Variants in RBMX2 observed in about 807,000 individuals in gnomAD.
RBMX2 encodes RNA-binding motif protein, X-linked 2.
For synonymous variants in RBMX2, 77 were observed against 94.3 expected (o/e 0.82, Z 1.07); for missense variants, 191 against 256.0 (o/e 0.75, Z 1.73).
chrX:130,402,933 G>A (rs918135098), intron 2 of RBMX2, among the ~76,000 whole-genome samples: 2 of 112,672 alleles, frequency 1.8e-5, no homozygotes, highest in African/African-American at 6.5e-5. Context: ...ACCAAACATT[G>A]TGCTAAGCAC....
rs1163015059 is a variant in RBMX2, at chrX:130,413,557, C to G, written c.*709C>G. On this transcript the variant is annotated 3_prime_UTR_variant, in exon 6 of 6. Transcript: ENST00000305536. ...ACCCTGTAGCCATTAAACAAGAGCTCCCCGTTTCCTCCCTCCTCCCTGTCC... is the reference window on the plus strand; with the variant it reads ...ACCCTGTAGCCATTAAACAAGAGCTGCCCGTTTCCTCCCTCCTCCCTGTCC... 9.1e-6 allele frequency among the ~76,000 whole-genome samples: 1 copy of G among 110,302 alleles called. No individual in the cohort carries two copies. Among genetic ancestry groups the G allele is most frequent in the Admixed American group, 9.7e-5 (1 of 10,324 alleles).
At chrX:130,412,286 CTT>C (rs879030425) in intron 5 of RBMX2, 73 bp from the exon 6 acceptor site, 530 of 810,998 alleles carry the variant, frequency 6.5e-4, no homozygotes, top group Middle Eastern at 2.3e-3. Context: ...AAGAAAGGTG[CTT>C]TTTTTTTTTT....
Position 130,413,508 on chromosome X carries a change from C to T in RBMX2, c.*660C>T, listed in dbSNP as rs1032442109. 9.1e-6 allele frequency among the ~76,000 whole-genome samples: 1 copy of T among 110,254 alleles called. No homozygotes were observed. Among genetic ancestry groups the T allele is most frequent in the African/African-American group, 3.3e-5 (1 of 30,223 alleles). ...CCATTGCCTCTGTCTAGTTCCAAAACATTTTTTATCATCCCAAAATGAAAC... is the reference window on the plus strand; with the variant it reads ...CCATTGCCTCTGTCTAGTTCCAAAATATTTTTTATCATCCCAAAATGAAAC... On this transcript the variant is annotated 3_prime_UTR_variant, in exon 6 of 6. Coordinates refer to ENST00000305536, the MANE Select transcript of RBMX2 (RefSeq NM_016024.4).
In RBMX2 at chrX:130,409,363, G is replaced by A. The variant is rs765199723; in HGVS notation, c.280G>A (p.Val94Ile). The A allele has an allele frequency of 1.1e-5, 13 of 1,207,221 alleles. No individual in the cohort carries two copies. The highest frequency in any genetic ancestry group is 3.5e-5 in the African/African-American group (2 of 56,954). Residue 94 changes from valine to isoleucine, a missense_variant, in exon 4 of 6, where the codon GTC (valine) becomes ATC (isoleucine). Transcript: ENST00000305536. ...AGACCAGAGGAGCACAATTCTGGCCGTCGACAATTTTAATGGGATCAAGGT... is the reference window on the plus strand; with the variant it reads ...AGACCAGAGGAGCACAATTCTGGCCATCGACAATTTTAATGGGATCAAGGT... ...YEDQRSTILA[V>I]DNFNGIKIKG...
Position 130,402,239 on chromosome X carries a change from C to A in RBMX2, c.6-16C>A, listed in dbSNP as rs746844268. ...CTTTTCTGCCTACCCTCCCCACCCC[C>A]CCCGCCACCGTGAAGCCCTTTAACT... is the stretch of plus-strand genomic sequence containing the variant. On this transcript the variant is annotated splice_polypyrimidine_tract_variant and intron_variant, in intron 1 of 5. Transcript: ENST00000305536. 1.6e-5 allele frequency: 19 copies of A among 1,183,885 alleles called. No individual in the cohort carries two copies. In the African/African-American group the frequency reaches 3.1e-4, roughly 19 times the overall value.
Position 130,402,388 on chromosome X carries a change from C to T in RBMX2, c.121+18C>T. The T allele has an allele frequency of 1.7e-6, 2 of 1,202,587 alleles. No homozygotes were observed. Among genetic ancestry groups the T allele is most frequent in the Non-Finnish European group, 2.2e-6 (2 of 890,855 alleles). The stretch of plus-strand genomic sequence containing the variant: ...CTTCCTGGGTGAGGTCCACATCTTT[C>T]TTCCTCAGTGCTCTCCAGATTCTCC... On this transcript the variant is annotated intron_variant, in intron 2 of 5. Transcript: ENST00000305536.
Position 130,413,611 on chromosome X carries a change from A to C in RBMX2, c.*763A>C, listed in dbSNP as rs2034526375. ...GCAACCACCAGTGGACTTCCTGTTT[A>C]TGGGTTTGCCTATTCTGGATCTTTC... On this transcript the variant is annotated 3_prime_UTR_variant, in exon 6 of 6. Transcript: ENST00000305536. Among the ~76,000 whole-genome samples, 1 of 98,031 alleles carries C rather than the reference A, an allele frequency of 1.0e-5. No homozygotes were observed. The highest frequency in any genetic ancestry group is 2.0e-5 in the Non-Finnish European group (1 of 49,832). The allele number at this position is 98,031 out of a possible 115,157, so 85.1% of individuals were successfully genotyped here.
At chrX:130,403,190 G>C (rs1351632687) in intron 2 of RBMX2, among the ~76,000 whole-genome samples, 1 of 112,229 alleles carries the variant, frequency 8.9e-6, no homozygotes, top group African/African-American at 3.2e-5. Flanking sequence ...TGTGGAAGCA[G>C]AGGTTTGTGA....
At chrX:130,402,234 A>ACCCCC (rs368717541) in intron 1 of RBMX2, 21 bp from the exon 2 acceptor site, 175 of 589,343 alleles carry the variant, frequency 3.0e-4, no homozygotes, top group African/African-American at 3.7e-4. Flanking sequence ...TACCCTCCCC[A>ACCCCC]CCCCCCCCGC....
chrX:130,409,368 C>T lies in RBMX2; in HGVS notation c.285C>T (p.Asp95=). 8.3e-7 allele frequency: 1 copy of T among 1,209,550 alleles called. No homozygotes were observed. The highest frequency in any genetic ancestry group is 1.1e-6 in the Non-Finnish European group (1 of 894,488). Residue 95 remains aspartate (D), a synonymous_variant, in exon 4 of 6, where the codon GAC becomes GAT. Transcript: ENST00000305536. ...EDQRSTILAV[D]NFNGIKIKGR... Reference sequence around the variant, plus strand: ...AGAGGAGCACAATTCTGGCCGTCGACAATTTTAATGGGATCAAGGTGAGTG... The same window carrying T: ...AGAGGAGCACAATTCTGGCCGTCGATAATTTTAATGGGATCAAGGTGAGTG...
intron 1 of RBMX2, 30 bp from the exon 2 acceptor site, chrX:130,402,225 A>AGCCCAACC: frequency 1.0e-6 from 1 of 984,797 alleles, no homozygotes; most frequent in Non-Finnish European, 1.4e-6. Flanking sequence ...TTTTCTGCCT[A>AGCCCAACC]CCCTCCCCAC....
intron 1 of RBMX2, 26 bp from the exon 2 acceptor site, chrX:130,402,229 T>TC (rs1603270908): frequency 3.4e-4 from 246 of 725,948 alleles, no homozygotes; most frequent in African/African-American, 1.3e-3. Flanking sequence ...CTGCCTACCC[T>TC]CCCCACCCCC....
intron 1 of RBMX2, 30 bp from the exon 2 acceptor site, chrX:130,402,225 A>AACCAC: frequency 1.4e-5 from 14 of 984,769 alleles, no homozygotes; most frequent in Non-Finnish European, 2.0e-5. Flanking sequence ...TTTTCTGCCT[A>AACCAC]CCCTCCCCAC....
At chrX:130,407,054 C>T (rs754472736) in intron 3 of RBMX2, among the ~76,000 whole-genome samples, 1 of 110,350 alleles carries the variant, frequency 9.1e-6, no homozygotes, top group African/African-American at 3.3e-5. Flanking sequence ...ATATGTTATA[C>T]TTATCATTAT....
Position 130,412,668 on chromosome X carries a change from G to A in RBMX2, c.789G>A (p.Lys263=). The part of the protein sequence containing the change: ...SSSRREAREE[K]TRIRDRGRSS... The stretch of plus-strand genomic sequence containing the variant: ...GCAGGAGGGAGGCAAGAGAAGAAAA[G>A]ACCAGGATTAGGGACAGAGGGCGGA... Residue 263 remains lysine (K), a synonymous_variant, in exon 6 of 6, where the codon AAG becomes AAA. Transcript: ENST00000305536. 2 of 1,210,627 alleles carry A rather than the reference G, an allele frequency of 1.7e-6. No homozygotes were observed. Among genetic ancestry groups the A allele is most frequent in the South Asian group, 3.5e-5 (2 of 56,917 alleles).
At chrX:130,402,225 A>AGCCAAAC in intron 1 of RBMX2, 30 bp from the exon 2 acceptor site, 8 of 984,773 alleles carry the variant, frequency 8.1e-6, no homozygotes, top group Non-Finnish European at 1.1e-5. Context: ...TTTTCTGCCT[A>AGCCAAAC]CCCTCCCCAC....
At position 130,409,460 on chromosome X, in the gene RBMX2, C is replaced by T. The variant is rs190983786; in HGVS notation, c.303+74C>T. On this transcript the variant is annotated intron_variant, in intron 4 of 5. Coordinates refer to ENST00000305536, the MANE Select transcript of RBMX2 (RefSeq NM_016024.4). ...GGGGTTTCGTTTTCTACCTGGTTCC[C>T]GCAGACACAAGGGCAGCACTTGTGA... 175 of 1,062,715 alleles carry T rather than the reference C, an allele frequency of 1.6e-4. No individual in the cohort carries two copies. In the Middle Eastern group the frequency reaches 4.8e-3, roughly 29 times the overall value. 87.6% of individuals were successfully genotyped at this position (1,062,715 alleles called of 1,213,427 possible). A position where few individuals can be genotyped will look rare whatever the true frequency, so the allele number is the denominator to read the frequency against.
At chrX:130,402,224 T>TGCCCC in intron 1 of RBMX2, 31 bp from the exon 2 acceptor site, 4 of 1,174,320 alleles carry the variant, frequency 3.4e-6, no homozygotes, top group Non-Finnish European at 3.4e-6. Context: ...CTTTTCTGCC[T>TGCCCC]ACCCTCCCCA....
Position 130,412,899 on chromosome X carries a change from G to C in RBMX2, c.*51G>C. 2.7e-6 allele frequency: 3 copies of C among 1,098,494 alleles called. No individual in the cohort carries two copies. The highest frequency in any genetic ancestry group is 3.6e-6 in the Non-Finnish European group (3 of 824,754). The allele number at this position is 1,098,494 out of a possible 1,213,427, so 90.5% of individuals were successfully genotyped here. On this transcript the variant is annotated 3_prime_UTR_variant, in exon 6 of 6. Transcript: ENST00000305536. ...GAAATAATTATGTTTTTTAAATGCA[G>C]TCAAATTCAGTTGGGTGGTTACTAT...
Sources: gnomAD v4.1 joint callset for allele counts (sites outside exome capture counted in the v4.1 genomes callset) on GRCh38, gnomAD v4.1.1 for gene constraint, MANE v1.5 for transcripts, NCBI Gene and HGNC (gene_info 2026-07-23, HGNC 2026-07-21) for gene names.